The following SGCZ variants were observed in gnomAD, a reference collection of about 807,000 sequenced individuals.
The protein encoded by SGCZ is sarcoglycan zeta.
SGCZ carries 40 observed loss-of-function variants against 41.3 expected under a neutral mutation model. The observed-to-expected ratio is 0.97, with a 90% CI of 0.75 to 1.26. The LOEUF (loss-of-function observed/expected upper bound fraction) is 1.26. Among genes scored for constraint, SGCZ ranks in the 50% most tolerant of loss-of-function variants. SGCZ has a pLI of 0.00. For missense variants in SGCZ, 552 were observed against 369.8 expected, an observed-to-expected ratio of 1.49 and a Z score of -4.04; for synonymous variants, 206 against 137.5, an observed-to-expected ratio of 1.50 and a Z score of -3.49.
At position 14,881,720 on chromosome 8, in the gene SGCZ, A is replaced by T. The variant is rs1291259697; in HGVS notation, c.40-326794T>A. Among the ~76,000 whole-genome samples the T allele has an allele frequency of 5.3e-5, 8 of 152,216 alleles. No homozygotes were observed. The East Asian group carries it at 1.5e-3, about 29-fold the overall frequency. On this transcript the variant is annotated intron_variant, in intron 1 of 7. Coordinates refer to ENST00000382080, the MANE Select transcript of SGCZ (RefSeq NM_139167.4). ...ATTCAGGACCTGAACTCAGCTCCAGATCAAGTGTACCTGATAGGTATCAAC... is the reference window on the plus strand; with the variant it reads ...ATTCAGGACCTGAACTCAGCTCCAGTTCAAGTGTACCTGATAGGTATCAAC...
At chr8:14,117,566 A>G (rs1802564027) in intron 5 of SGCZ, among the ~76,000 whole-genome samples, 1 of 151,780 alleles carries the variant, frequency 6.6e-6, no homozygotes, top group Non-Finnish European at 1.5e-5. Flanking sequence ...ATTGAAAAAA[A>G]AGCTGATGCC....
At chr8:15,208,968 AT>A (rs1648242966) in intron 1 of SGCZ, among the ~76,000 whole-genome samples, 1 of 151,852 alleles carries the variant, frequency 6.6e-6, no homozygotes, top group Non-Finnish European at 1.5e-5. Context: ...TTTTTCATAA[AT>A]TACTGCATTT....
In SGCZ at chr8:14,133,404, T is replaced by A. The variant is rs147927511; in HGVS notation, c.548-25169A>T. ...TCCATTCCATTTTCCAGGAAGATTT[T>A]ATGGCTAGAGTTCTGAGACAGATGA... On this transcript the variant is annotated intron_variant, in intron 5 of 7. Coordinates refer to ENST00000382080, the MANE Select transcript of SGCZ (RefSeq NM_139167.4). 5.6e-3 allele frequency among the ~76,000 whole-genome samples: 847 copies of A among 152,330 alleles called. 5 individuals are homozygous for A. Among genetic ancestry groups the A allele is most frequent in the African/African-American group, 0.019 (805 of 41,574 alleles).
At chr8:14,755,205 T>C (rs944934726) in intron 1 of SGCZ, among the ~76,000 whole-genome samples, 7 of 152,226 alleles carry the variant, frequency 4.6e-5, no homozygotes, top group Admixed American at 1.3e-4. Context: ...TTCAGTATAA[T>C]AGAATTCAAA....
intron 2 of SGCZ, among the ~76,000 whole-genome samples, chr8:14,511,965 T>C (rs1802480204): frequency 6.6e-6 from 1 of 152,114 alleles, no homozygotes; most frequent in South Asian, 2.1e-4. Flanking sequence ...TTGGAAATAA[T>C]AGCTGAACTC....
chr8:14,852,202 C>T (rs2130656526), intron 1 of SGCZ, among the ~76,000 whole-genome samples: 2 of 152,212 alleles, frequency 1.3e-5, no homozygotes, highest in East Asian at 3.9e-4. Flanking sequence ...AATATTTTTT[C>T]AGTGATACAA....
At chr8:15,041,757 A>ATTTTTTTTTTTTTTTTTTTTTTTTTTTT (rs1804104949) in intron 1 of SGCZ, among the ~76,000 whole-genome samples, 1 of 136,236 alleles carries the variant, frequency 7.3e-6, no homozygotes. Flanking sequence ...AGACTTTTTA[A>ATTTTTTTTTTTTTTTTTTTTTTTTTTTT]TTCTTATATG....
intron 4 of SGCZ, among the ~76,000 whole-genome samples, chr8:14,175,440 G>A (rs572149282): frequency 6.6e-6 from 1 of 152,144 alleles, no homozygotes; most frequent in Admixed American, 6.5e-5. Flanking sequence ...GAAATATAGA[G>A]AAATAAAATG....
chr8:14,909,444 T>C (rs553428220), intron 1 of SGCZ, among the ~76,000 whole-genome samples: 5 of 152,190 alleles, frequency 3.3e-5, no homozygotes, highest in Non-Finnish European at 5.9e-5. Flanking sequence ...TGCCTTTTTA[T>C]ATAAATTTTG....
rs149483704 is a variant in SGCZ, at chr8:14,462,010, A to T, written c.234+92722T>A. Reference sequence around the variant, plus strand: ...AGACTTTCAAAAATTTACCTCATTCAATTATTAATTATTTAATATATACAA... The same window carrying T: ...AGACTTTCAAAAATTTACCTCATTCTATTATTAATTATTTAATATATACAA... On this transcript the variant is annotated intron_variant, in intron 2 of 7. Transcript: ENST00000382080. 4.6e-3 allele frequency among the ~76,000 whole-genome samples: 703 copies of T among 152,158 alleles called. 8 individuals are homozygous for T. The highest frequency in any genetic ancestry group is 0.016 in the African/African-American group (648 of 41,528).
In SGCZ at chr8:14,356,743, T is replaced by C. The variant is rs186244799; in HGVS notation, c.235-32539A>G. ...GATTATATATATTTTTAATATTGTC[T>C]TTTCAATATCACTAATTCAAGAAAA... On this transcript the variant is annotated intron_variant, in intron 2 of 7. Coordinates refer to ENST00000382080, the MANE Select transcript of SGCZ (RefSeq NM_139167.4). Among the ~76,000 whole-genome samples, 38 of 152,216 alleles carry C rather than the reference T, an allele frequency of 2.5e-4. No individual in the cohort carries two copies. The East Asian group carries it at 5.8e-3, about 23-fold the overall frequency.
intron 1 of SGCZ, among the ~76,000 whole-genome samples, chr8:15,187,776 T>C (rs887269627): frequency 6.6e-6 from 1 of 152,002 alleles, no homozygotes; most frequent in African/African-American, 2.4e-5. Flanking sequence ...TGAGTTTGAT[T>C]ATGGACTATT....
chr8:14,490,538 G>A (rs1048247918), intron 2 of SGCZ, among the ~76,000 whole-genome samples: 1 of 152,086 alleles, frequency 6.6e-6, no homozygotes, highest in Non-Finnish European at 1.5e-5. Context: ...ATTGCTCTTT[G>A]TCTCTCGTCT....
intron 6 of SGCZ, among the ~76,000 whole-genome samples, chr8:14,106,918 G>A (rs547989613): frequency 7.9e-5 from 12 of 152,094 alleles, no homozygotes; most frequent in South Asian, 2.1e-4. Flanking sequence ...CAAATCTTAC[G>A]TATTGAATTA....
At chr8:14,561,696 T>G (rs571589469) in intron 1 of SGCZ, among the ~76,000 whole-genome samples, 1 of 152,134 alleles carries the variant, frequency 6.6e-6, no homozygotes, top group Non-Finnish European at 1.5e-5. Flanking sequence ...AGTATCCGCA[T>G]TGCTTATATT....
chr8:14,102,884 G>A (rs17118642), intron 6 of SGCZ, among the ~76,000 whole-genome samples: 13,786 of 151,980 alleles, frequency 0.091, 1,115 homozygotes, highest in East Asian at 0.36. Flanking sequence ...TAATGATGGA[G>A]GTTTAATAAA....
intron 1 of SGCZ, among the ~76,000 whole-genome samples, chr8:14,808,636 T>G (rs957465639): frequency 6.6e-6 from 1 of 152,186 alleles, no homozygotes; most frequent in African/African-American, 2.4e-5. Context: ...TTGGTGGGAC[T>G]GCAAACTAAT....
intron 1 of SGCZ, among the ~76,000 whole-genome samples, chr8:15,061,243 G>C (rs983727979): frequency 7.2e-5 from 10 of 139,262 alleles, no homozygotes; most frequent in East Asian, 1.9e-4. Flanking sequence ...GATAGGATTA[G>C]AGCCCCTACA....
chr8:14,727,761 C>T (rs780309328), intron 1 of SGCZ, among the ~76,000 whole-genome samples: 33 of 152,142 alleles, frequency 2.2e-4, no homozygotes, highest in Admixed American at 1.5e-3. Context: ...ATCCACCCGC[C>T]TCGGCCTCCC....
Sources: gnomAD v4.1 joint callset for allele counts (sites outside exome capture counted in the v4.1 genomes callset) on GRCh38, gnomAD v4.1.1 for gene constraint, MANE v1.5 for transcripts, NCBI Gene and HGNC (gene_info 2026-07-23, HGNC 2026-07-21) for gene names.